Variants in GPHN observed in about 807,000 individuals in gnomAD.
The protein encoded by GPHN is gephyrin.
GPHN carries 17 observed loss-of-function variants against 95.5 expected under a neutral mutation model. The observed-to-expected ratio is 0.18, with a 90% CI of 0.12 to 0.27. The LOEUF is 0.27. Ranked by LOEUF, GPHN falls within the 10% of genes least tolerant of loss-of-function variation. The pLI is 1.00. For synonymous variants in GPHN, 320 were observed against 322.5 expected (o/e 0.99, Z 0.08); for missense variants, 660 against 978.1 (o/e 0.67, Z 4.34).
intron 2 of GPHN, among the ~76,000 whole-genome samples, chr14:66,726,905 C>T (rs574712693): frequency 5.3e-4 from 81 of 152,178 alleles, no homozygotes; most frequent in South Asian, 3.1e-3. Context: ...CTTTATGCTA[C>T]GAATATAAGG....
the GPHN span, chr14:67,657,051 A>G: frequency 1.3e-5 from 2 of 152,714 alleles, no homozygotes; most frequent in African/African-American, 4.8e-5. Flanking sequence ...TTCCCACTAG[A>G]CTGGTACTGA....
chr14:67,601,272 C>T, the GPHN span, among the ~76,000 whole-genome samples: 1 of 152,078 alleles, frequency 6.6e-6, no homozygotes, highest in Non-Finnish European at 1.5e-5. Context: ...GCAAACCCCT[C>T]GAAGTTGGAA....
the GPHN span, chr14:67,336,664 T>G: frequency 6.6e-6 from 3 of 454,748 alleles, no homozygotes; most frequent in South Asian, 4.7e-5. Context: ...GCATTCCAGC[T>G]GTGCTCTTTG....
At chr14:67,183,848 C>G (rs938014247), downstream of GPHN, among the ~76,000 whole-genome samples, 1 of 143,714 alleles carries the variant, frequency 7.0e-6, no homozygotes, top group Non-Finnish European at 1.5e-5. Context: ...CACATCTATT[C>G]TGTTTTTCTT....
the GPHN span, chr14:67,204,729 G>A: frequency 1.2e-6 from 2 of 1,613,964 alleles, no homozygotes; most frequent in Non-Finnish European, 1.7e-6. Context: ...TTTCCAAAGT[G>A]TCGGAGGTTT....
At chr14:67,277,265 G>A in the GPHN span, among the ~76,000 whole-genome samples, 1 of 129,284 alleles carries the variant, frequency 7.7e-6, no homozygotes, top group African/African-American at 2.9e-5. Context: ...TTAGAAAGAA[G>A]TCAAAATTTG....
At chr14:67,351,026 C>G in the GPHN span, among the ~76,000 whole-genome samples, 61 of 152,254 alleles carry the variant, frequency 4.0e-4, no homozygotes, top group Admixed American at 1.3e-3. Context: ...AGTCAAAACC[C>G]TAATGGTGTA....
At chr14:67,332,405 C>T in the GPHN span, among the ~76,000 whole-genome samples, 2 of 152,138 alleles carry the variant, frequency 1.3e-5, no homozygotes, top group South Asian at 2.1e-4. Context: ...AAGGTTCACT[C>T]CATATTACAG....
In GPHN at chr14:66,822,425, G is replaced by A. The variant is rs551074779; in HGVS notation, c.202-2049G>A. 2.6e-5 allele frequency among the ~76,000 whole-genome samples: 4 copies of A among 152,324 alleles called. 1 individual carries two copies. The South Asian group carries it at 8.3e-4, about 32-fold the overall frequency. On this transcript the variant is annotated intron_variant, in intron 3 of 22. Transcript: ENST00000478722. ...CAGTCAGTGCCCAGGCTATACCAAA[G>A]AGGTGAGACCCAAGTATTTTTTAAA...
At chr14:67,426,420 G>A in the GPHN span, among the ~76,000 whole-genome samples, 1 of 152,152 alleles carries the variant, frequency 6.6e-6, no homozygotes, top group African/African-American at 2.4e-5. Context: ...TGCCCTGTGG[G>A]AGTTTCACTA....
intron 1 of GPHN, among the ~76,000 whole-genome samples, chr14:66,614,578 C>CTT (rs58001259): frequency 0.054 from 7,501 of 137,982 alleles, 250 homozygotes; most frequent in Middle Eastern, 0.097. Flanking sequence ...AAAACTTTAG[C>CTT]TTTTTTTTTT....
At chr14:67,285,136 C>T in the GPHN span, among the ~76,000 whole-genome samples, 1 of 152,062 alleles carries the variant, frequency 6.6e-6, no homozygotes, top group African/African-American at 2.4e-5. Flanking sequence ...ATATTTGACC[C>T]TACAGTTTAG....
At chr14:67,550,521 C>T in the GPHN span, among the ~76,000 whole-genome samples, 1 of 152,174 alleles carries the variant, frequency 6.6e-6, no homozygotes, top group Non-Finnish European at 1.5e-5. Context: ...AGAGTTAGAA[C>T]AATTTAATGG....
chr14:67,485,233 G>T, the GPHN span, among the ~76,000 whole-genome samples: 1 of 152,158 alleles, frequency 6.6e-6, no homozygotes. Flanking sequence ...GAGGAACGAC[G>T]TTCCCACAGA....
the GPHN span, among the ~76,000 whole-genome samples, chr14:67,243,777 T>C: frequency 6.6e-6 from 1 of 152,190 alleles, no homozygotes; most frequent in African/African-American, 2.4e-5. Context: ...ATTACAGGCG[T>C]GAGCCACCGC....
At chr14:67,238,787 G>A in the GPHN span, among the ~76,000 whole-genome samples, 1 of 151,992 alleles carries the variant, frequency 6.6e-6, no homozygotes, top group Non-Finnish European at 1.5e-5. Context: ...GGGATTATAA[G>A]CACACACCAT....
At chr14:67,690,006 G>A in the GPHN span, 2 of 553,428 alleles carry the variant, frequency 3.6e-6, no homozygotes, top group Non-Finnish European at 6.5e-6. Context: ...GTAAAGCCAG[G>A]CCTTCAGACT....
rs61990908 is a variant in GPHN, at chr14:67,045,739, G to A, written c.1007-12910G>A. 3.5e-5 allele frequency among the ~76,000 whole-genome samples: 5 copies of A among 144,062 alleles called. No individual in the cohort carries two copies. In the East Asian group the frequency reaches 8.4e-4, roughly 24 times the overall value. 94.5% of individuals were successfully genotyped at this position (144,062 alleles called of 152,430 possible). A position where few individuals can be genotyped will look rare whatever the true frequency, so the allele number is the denominator to read the frequency against. The stretch of plus-strand genomic sequence containing the variant: ...TCTCTCTGTCTGTCTCTCTCTCTCT[G>A]TCCATCTCTCTGTCTCTGTCTCTCT... On this transcript the variant is annotated intron_variant, in intron 10 of 22. Coordinates refer to ENST00000478722, the MANE Select transcript of GPHN (RefSeq NM_020806.5).
At chr14:67,392,465 A>G in the GPHN span, 13 of 1,485,832 alleles carry the variant, frequency 8.7e-6, no homozygotes, top group East Asian at 2.5e-4. Flanking sequence ...TGCTACAGAA[A>G]AGACCCAGGC....
Sources: gnomAD v4.1 joint callset for allele counts (sites outside exome capture counted in the v4.1 genomes callset) on GRCh38, gnomAD v4.1.1 for gene constraint, MANE v1.5 for transcripts, NCBI Gene and HGNC (gene_info 2026-07-23, HGNC 2026-07-21) for gene names.